Variants in UPB1 observed in about 807,000 individuals in gnomAD.
The protein encoded by UPB1 is beta-ureidopropionase.
Under a neutral mutation model 49.1 loss-of-function variants are expected in UPB1, and 40 were observed. The observed-to-expected ratio is 0.81, with a 90% CI of 0.63 to 1.06. The LOEUF is 1.06. Ranked by LOEUF, UPB1 falls within the 50% of genes least tolerant of loss-of-function variation. UPB1 has a pLI of 0.00. For synonymous variants in UPB1, 207 were observed against 198.2 expected, an observed-to-expected ratio of 1.04 and a Z score of -0.38; for missense variants, 499 against 505.9, an observed-to-expected ratio of 0.99 and a Z score of 0.13.
At chr22:24,521,407 CG>C (rs1301947433) in intron 7 of UPB1, among the ~76,000 whole-genome samples, 1 of 151,796 alleles carries the variant, frequency 6.6e-6, no homozygotes, top group Non-Finnish European at 1.5e-5. Flanking sequence ...TGCTTGAACC[CG>C]GGAGGTGGAA....
intron 1 of UPB1, among the ~76,000 whole-genome samples, chr22:24,497,907 T>C (rs917143293): frequency 6.6e-6 from 1 of 152,210 alleles, no homozygotes; most frequent in African/African-American, 2.4e-5. Context: ...TAGTGAACAC[T>C]GTCCTCAGCC....
intron 3 of UPB1, among the ~76,000 whole-genome samples, chr22:24,504,412 T>C (rs1025056958): frequency 6.6e-6 from 1 of 152,262 alleles, no homozygotes; most frequent in African/African-American, 2.4e-5. Context: ...CATTGTTGAG[T>C]AGTCCACAGC....
chr22:24,517,660 T>TCA (rs1461739025), intron 6 of UPB1, among the ~76,000 whole-genome samples: 1 of 152,244 alleles, frequency 6.6e-6, no homozygotes, highest in East Asian at 1.9e-4. Flanking sequence ...TGCTATGTCC[T>TCA]CAGCAGCCTA....
rs573357706 is a variant in UPB1 at position 24,514,777 on chromosome 22, G to A, written c.622-424G>A. Among the ~76,000 whole-genome samples the A allele has an allele frequency of 5.3e-5, 8 of 152,346 alleles. No homozygotes were observed. In the South Asian group the frequency reaches 1.4e-3, roughly 28 times the overall value. On this transcript the variant is annotated intron_variant, in intron 5 of 9. Coordinates refer to ENST00000326010, the MANE Select transcript of UPB1 (RefSeq NM_016327.3). ...AGCAGCTTTCTCCTCTGACCAGGGA[G>A]AGAGTTGCTTGGATGTGCTCCAGGT...
chr22:24,521,922 A>G lies in UPB1; in HGVS notation c.874-64A>G, dbSNP rs2232869. 1.6e-3 allele frequency: 2,571 copies of G among 1,558,954 alleles called. 36 individuals are homozygous for G. In the African/African-American group the frequency reaches 0.027, roughly 16 times the overall value. ...ATTGCCCTGCTCATCTGGCTGAGTG[A>G]GCTGGAATGAGTGTAGTGGTAGTGC... On this transcript the variant is annotated intron_variant, in intron 7 of 9. Coordinates refer to ENST00000326010, the MANE Select transcript of UPB1 (RefSeq NM_016327.3).
chr22:24,500,372 G>T (rs2043972699), intron 2 of UPB1, 94 bp downstream of exon 2: 5 of 1,567,986 alleles, frequency 3.2e-6, no homozygotes, highest in Non-Finnish European at 4.3e-6. Flanking sequence ...CATACTCCGG[G>T]TCTGCAGGCT....
At chr22:24,525,038 C>T (rs1345374472) in intron 9 of UPB1, among the ~76,000 whole-genome samples, 1 of 152,184 alleles carries the variant, frequency 6.6e-6, no homozygotes, top group Non-Finnish European at 1.5e-5. Context: ...TAGGATTCCA[C>T]CCAAATCAGA....
chr22:24,499,568 C>T (rs1407727629), intron 1 of UPB1, among the ~76,000 whole-genome samples: 4 of 152,180 alleles, frequency 2.6e-5, no homozygotes, highest in African/African-American at 9.7e-5. Flanking sequence ...CTGGCCTCCC[C>T]CAGCAGGAGC....
intron 3 of UPB1, among the ~76,000 whole-genome samples, chr22:24,508,232 T>C (rs1000721596): frequency 1.3e-5 from 2 of 152,178 alleles, no homozygotes; most frequent in African/African-American, 4.8e-5. Flanking sequence ...AGCAGACAAC[T>C]GGAAACTTCT....
intron 6 of UPB1, chr22:24,519,822 G>A (rs1036739623): frequency 3.8e-5 from 7 of 183,880 alleles, no homozygotes; most frequent in African/African-American, 1.2e-4. Context: ...GGAGAGTTAG[G>A]GTAGGGCAGG....
intron 4 of UPB1, among the ~76,000 whole-genome samples, chr22:24,512,115 C>T (rs1174012852): frequency 1.3e-5 from 2 of 151,446 alleles, no homozygotes; most frequent in African/African-American, 2.4e-5. Flanking sequence ...TTCCAAACAT[C>T]GATGTTCTCA....
intron 3 of UPB1, among the ~76,000 whole-genome samples, chr22:24,508,151 AAC>A (rs1455235454): frequency 6.6e-6 from 1 of 152,172 alleles, no homozygotes; most frequent in African/African-American, 2.4e-5. Flanking sequence ...AGGCCAGTTA[AAC>A]ACTGCCCCAT....
At chr22:24,521,201 G>GAAAAAT (rs1568995772) in intron 7 of UPB1, among the ~76,000 whole-genome samples, 16 of 137,406 alleles carry the variant, frequency 1.2e-4, no homozygotes, top group South Asian at 2.2e-4. Context: ...AAAAAAAAAG[G>GAAAAAT]CCAGGTGCGG....
intron 8 of UPB1, 125 bp downstream of exon 8, chr22:24,522,153 G>A (rs958593177): frequency 1.7e-6 from 2 of 1,151,054 alleles, no homozygotes; most frequent in Non-Finnish European, 2.6e-6. Flanking sequence ...CCTAGGAGGA[G>A]GCGCCAATTC....
At chr22:24,504,659 A>G in intron 3 of UPB1, among the ~76,000 whole-genome samples, 1 of 150,360 alleles carries the variant, frequency 6.7e-6, no homozygotes. Flanking sequence ...CTCTTTCTAG[A>G]CAGTCCTACT....
chr22:24,520,531 C>T (rs557305454), intron 7 of UPB1, 63 bp downstream of exon 7: 82 of 1,562,440 alleles, frequency 5.2e-5, no homozygotes, highest in Admixed American at 4.6e-4. Context: ...GGGGACACCC[C>T]GTTCCCTCTG....
intron 3 of UPB1, among the ~76,000 whole-genome samples, chr22:24,507,864 G>T (rs541186865): frequency 6.6e-6 from 1 of 152,148 alleles, no homozygotes; most frequent in South Asian, 2.1e-4. Context: ...AGGTGGGAGG[G>T]CTAGATTTTT....
At chr22:24,501,630 C>T (rs2043995496) in intron 2 of UPB1, among the ~76,000 whole-genome samples, 1 of 152,182 alleles carries the variant, frequency 6.6e-6, no homozygotes, top group South Asian at 2.1e-4. Flanking sequence ...ACATTCCTGG[C>T]CCAGGGCACA....
chr22:24,510,130 G>A (rs1032649839), intron 3 of UPB1, among the ~76,000 whole-genome samples: 11 of 151,970 alleles, frequency 7.2e-5, no homozygotes, highest in African/African-American at 1.9e-4. Flanking sequence ...TACTCGGGAA[G>A]GCTGAGGCAG....
Sources: allele counts gnomAD v4.1 joint callset (sites outside exome capture counted in the v4.1 genomes callset), GRCh38; gene constraint gnomAD v4.1.1; transcripts MANE v1.5; gene names NCBI Gene and HGNC (gene_info 2026-07-23, HGNC 2026-07-21).